NELL1: variants seen among roughly 807,000 people sequenced by gnomAD.
The protein encoded by NELL1 is protein kinase C-binding protein NELL1.
In NELL1, 76 loss-of-function variants were observed where a neutral mutation model predicts 107.4. That is an observed-to-expected ratio of 0.71 (90% CI 0.59 to 0.86). The LOEUF (loss-of-function observed/expected upper bound fraction) is 0.86, where lower values mean the gene tolerates loss of function less well. Ranked by LOEUF, NELL1 falls within the 40% of genes least tolerant of loss-of-function variation. The probability of loss-of-function intolerance (pLI) is 0.00; values close to 1 mark genes in which losing one functional copy is unlikely to be tolerated. For synonymous variants in NELL1, 353 were observed against 341.2 expected, an observed-to-expected ratio of 1.03 and a Z score of -0.38; for missense variants, 1,024 against 1,005.5, an observed-to-expected ratio of 1.02 and a Z score of -0.25.
intron 12 of NELL1, among the ~76,000 whole-genome samples, chr11:21,062,809 T>TTTG (rs1342724718): frequency 4.0e-5 from 6 of 151,676 alleles, no homozygotes; most frequent in African/African-American, 1.5e-4. Flanking sequence ...TCCTTTTTTG[T>TTTG]TTGTTTGTTT....
At chr11:20,919,919 T>C (rs1850340742) in intron 7 of NELL1, among the ~76,000 whole-genome samples, 1 of 152,108 alleles carries the variant, frequency 6.6e-6, no homozygotes, top group Admixed American at 6.6e-5. Flanking sequence ...CAAGCATCTT[T>C]TGAGGACCTG....
intron 12 of NELL1, among the ~76,000 whole-genome samples, chr11:20,990,700 G>T (rs1253555393): frequency 6.6e-6 from 1 of 152,178 alleles, no homozygotes; most frequent in East Asian, 1.9e-4. Flanking sequence ...TCCCTGAGCT[G>T]TCATTTTTGC....
At chr11:21,213,253 T>G (rs1310297730) in intron 13 of NELL1, among the ~76,000 whole-genome samples, 1 of 152,152 alleles carries the variant, frequency 6.6e-6, no homozygotes, top group African/African-American at 2.4e-5. Context: ...AGAGGCATAC[T>G]GTATCCATGG....
At chr11:21,374,385 T>A (rs1220697420) in intron 15 of NELL1, among the ~76,000 whole-genome samples, 1 of 151,894 alleles carries the variant, frequency 6.6e-6, no homozygotes, top group Admixed American at 6.6e-5. Flanking sequence ...GAGGCCTCAG[T>A]TTTTCATTTT....
chr11:21,241,109 G>T (rs1858346402), intron 14 of NELL1, among the ~76,000 whole-genome samples: 1 of 152,018 alleles, frequency 6.6e-6, no homozygotes, highest in Non-Finnish European at 1.5e-5. Flanking sequence ...ACCAAACATT[G>T]ACTTTCTCTC....
intron 13 of NELL1, among the ~76,000 whole-genome samples, chr11:21,184,847 A>C (rs1261597197): frequency 2.0e-5 from 3 of 151,866 alleles, no homozygotes; most frequent in African/African-American, 7.3e-5. Context: ...CAAATAGTGA[A>C]TCAACTTGTG....
chr11:21,497,069 A>G (rs1854999510), intron 15 of NELL1, among the ~76,000 whole-genome samples: 2 of 148,978 alleles, frequency 1.3e-5, no homozygotes, highest in African/African-American at 2.5e-5. Flanking sequence ...GCTATTGTGA[A>G]TAGTGCCGCA....
chr11:21,444,458 C>A (rs1410271915), intron 15 of NELL1, among the ~76,000 whole-genome samples: 1 of 152,106 alleles, frequency 6.6e-6, no homozygotes, highest in Non-Finnish European at 1.5e-5. Context: ...TCCTACCCAG[C>A]CTGTTTGAAC....
chr11:21,021,012 AACACACACACACACAC>A (rs56813080), intron 12 of NELL1, among the ~76,000 whole-genome samples: 3 of 140,222 alleles, frequency 2.1e-5, no homozygotes, highest in Admixed American at 1.4e-4. Context: ...AGAAACTTAG[AACACACACACACACAC>A]ACACACACAC....
chr11:21,540,652 G>A (rs1019237304), intron 16 of NELL1, among the ~76,000 whole-genome samples: 1 of 152,042 alleles, frequency 6.6e-6, no homozygotes, highest in Non-Finnish European at 1.5e-5. Context: ...GCTGGAGGAA[G>A]AGAGTGAAGG....
intron 2 of NELL1, among the ~76,000 whole-genome samples, chr11:20,704,749 C>T (rs1267729014): frequency 1.3e-5 from 2 of 152,118 alleles, no homozygotes; most frequent in African/African-American, 4.8e-5. Context: ...GATTTTATTT[C>T]TCCTTCACTT....
intron 2 of NELL1, among the ~76,000 whole-genome samples, chr11:20,738,664 C>T (rs1228650942): frequency 4.6e-5 from 7 of 152,230 alleles, no homozygotes; most frequent in Non-Finnish European, 2.9e-5. Flanking sequence ...GGACTAGCTT[C>T]TTGACCTTGG....
chr11:20,951,677 T>C (rs1354585357), intron 11 of NELL1, among the ~76,000 whole-genome samples: 1 of 151,958 alleles, frequency 6.6e-6, no homozygotes, highest in Non-Finnish European at 1.5e-5. Context: ...ACTATAGAAT[T>C]GGTAGGGAAG....
chr11:21,522,169 G>A (rs1020340794), intron 15 of NELL1, among the ~76,000 whole-genome samples: 1 of 151,476 alleles, frequency 6.6e-6, no homozygotes, highest in Non-Finnish European at 1.5e-5. Context: ...GGGAGGCGGA[G>A]CTTGCAGTGA....
chr11:21,491,337 C>G (rs182483630), intron 15 of NELL1, among the ~76,000 whole-genome samples: 72 of 152,200 alleles, frequency 4.7e-4, no homozygotes, highest in African/African-American at 1.4e-3. Context: ...TTAGGTCTAA[C>G]GTTTAAGTCT....
At chr11:21,086,681 C>G (rs949795453) in intron 12 of NELL1, among the ~76,000 whole-genome samples, 1 of 152,112 alleles carries the variant, frequency 6.6e-6, no homozygotes, top group Admixed American at 6.6e-5. Flanking sequence ...CCTTTATCAA[C>G]TTTTACCCTA....
rs151019331 is a variant in NELL1 at position 20,699,391 on chromosome 11, C to T, written c.184+21331C>T. ...TTTCTTTTTTTTTGAGATGGAGTCT[C>T]GCTCTGTCACTCAGGCTGGAGTGCA... is the stretch of plus-strand genomic sequence containing the variant. On this transcript the variant is annotated intron_variant, in intron 2 of 19. Coordinates refer to ENST00000357134, the MANE Select transcript of NELL1 (RefSeq NM_006157.5). 1.7e-3 allele frequency among the ~76,000 whole-genome samples: 254 copies of T among 151,742 alleles called. 1 individual carries two copies. The highest frequency in any genetic ancestry group is 2.8e-3 in the Non-Finnish European group (189 of 67,942).
At chr11:21,442,088 A>G (rs998533827) in intron 15 of NELL1, among the ~76,000 whole-genome samples, 2 of 152,336 alleles carry the variant, frequency 1.3e-5, no homozygotes, top group African/African-American at 4.8e-5. Context: ...TTGTTTATTT[A>G]GTACAATAGA....
At chr11:21,473,652 C>G (rs989869621) in intron 15 of NELL1, among the ~76,000 whole-genome samples, 60 of 152,080 alleles carry the variant, frequency 3.9e-4, no homozygotes, top group Admixed American at 3.8e-3. Flanking sequence ...TGAAATGTTA[C>G]TGGGCACAAT....
Sources: allele counts gnomAD v4.1 joint callset (sites outside exome capture counted in the v4.1 genomes callset), GRCh38; gene constraint gnomAD v4.1.1; transcripts MANE v1.5; gene names NCBI Gene and HGNC (gene_info 2026-07-23, HGNC 2026-07-21).